GRIN2A: variants seen among roughly 807,000 people sequenced by gnomAD.
GRIN2A encodes the protein glutamate receptor ionotropic, NMDA 2A.
In GRIN2A, 22 loss-of-function variants were observed where a neutral mutation model predicts 113.4. The ratio of observed to expected loss-of-function variants is 0.19; its 90% CI spans 0.14 to 0.28. The LOEUF is 0.28. Ranked by LOEUF, GRIN2A falls within the 10% of genes least tolerant of loss-of-function variation. The pLI is 1.00. For missense variants in GRIN2A, 1,502 were observed against 1,887.0 expected (o/e 0.80, Z 3.78); for synonymous variants, 827 against 738.4 (o/e 1.12, Z -1.94).
intron 4 of GRIN2A, among the ~76,000 whole-genome samples, chr16:9,870,446 C>T (rs573187002): frequency 3.3e-5 from 5 of 152,150 alleles, no homozygotes; most frequent in East Asian, 1.9e-4. Flanking sequence ...CAGAAAGCTG[C>T]GTGTCATTAT....
chr16:9,885,033 G>A (rs944351004), intron 4 of GRIN2A, among the ~76,000 whole-genome samples: 12 of 151,942 alleles, frequency 7.9e-5, no homozygotes, highest in Admixed American at 3.9e-4. Context: ...CACCGTGCCC[G>A]GCTAGAGAAT....
At chr16:9,899,440 CAAAAAAAAA>C (rs71157791) in intron 3 of GRIN2A, among the ~76,000 whole-genome samples, 7 of 6,206 alleles carry the variant, frequency 1.1e-3, no homozygotes, top group African/African-American at 5.0e-3. Flanking sequence ...AACTCCGTCT[CAAAAAAAAA>C]AAAAAAAAAA....
intron 3 of GRIN2A, among the ~76,000 whole-genome samples, chr16:9,903,937 C>T (rs561636164): frequency 1.3e-5 from 2 of 152,354 alleles, no homozygotes; most frequent in East Asian, 3.9e-4. Context: ...TATCACCTCT[C>T]CCAGACTGTC....
intron 2 of GRIN2A, among the ~76,000 whole-genome samples, chr16:10,179,012 C>A (rs1163990911): frequency 6.6e-6 from 1 of 152,068 alleles, no homozygotes; most frequent in Admixed American, 6.5e-5. Context: ...TTTCTCATTC[C>A]TCACTTTACT....
intron 2 of GRIN2A, among the ~76,000 whole-genome samples, chr16:10,083,291 C>T (rs2048019140): frequency 6.6e-6 from 1 of 152,208 alleles, no homozygotes; most frequent in Non-Finnish European, 1.5e-5. Flanking sequence ...ACCGCAGACT[C>T]CACGAGTGCT....
rs888920557 is a variant in GRIN2A, at chr16:9,938,412, C to G, written c.554G>C (p.Ser185Thr). The change falls in exon 3 of 13, where the codon AGC becomes ACC. Residue 185 changes from serine (S) to threonine (T), a missense_variant. Physicochemically the swap from Ser to Thr is moderately conservative, Grantham distance 58 (BLOSUM62 1). Coordinates refer to ENST00000330684, the MANE Select transcript of GRIN2A (RefSeq NM_001134407.3). ...GTTGTCCACTGTGGTCTTGACGAAG[C>G]TGATGAATTCCCTGTAGCCAGGGAA... ...TIFPGYREFI[S>T]FVKTTVDNSF... 2 of 1,614,070 alleles carry G rather than the reference C, an allele frequency of 1.2e-6. No homozygotes were observed. The highest frequency in any genetic ancestry group is 1.7e-6 in the Non-Finnish European group (2 of 1,179,950).
intron 12 of GRIN2A, among the ~76,000 whole-genome samples, chr16:9,766,855 G>C (rs964676437): frequency 1.3e-5 from 2 of 152,122 alleles, no homozygotes; most frequent in Non-Finnish European, 2.9e-5. Flanking sequence ...ATGATCAAGG[G>C]ACTCCACCAA....
chr16:10,162,390 C>T lies in GRIN2A; in HGVS notation c.414+17608G>A, dbSNP rs548649823. Among the ~76,000 whole-genome samples, 60 of 152,284 alleles carry T rather than the reference C, an allele frequency of 3.9e-4. 1 individual carries two copies. The Middle Eastern group carries it at 0.017, about 43-fold the overall frequency. On this transcript the variant is annotated intron_variant, in intron 2 of 12. Transcript: ENST00000330684. ...CTCCCAACCTCTCTGTATTCATTTTCCCAGGCTGCTGTAACAAAGGATCAC... is the reference window on the plus strand; with the variant it reads ...CTCCCAACCTCTCTGTATTCATTTTTCCAGGCTGCTGTAACAAAGGATCAC...
intron 2 of GRIN2A, among the ~76,000 whole-genome samples, chr16:9,975,681 C>T (rs937894897): frequency 2.6e-5 from 4 of 152,172 alleles, no homozygotes; most frequent in South Asian, 2.1e-4. Flanking sequence ...CCAAACACAT[C>T]GATAACTGCA....
intron 7 of GRIN2A, 23 bp downstream of exon 7, chr16:9,840,624 T>G (rs1453090366): frequency 6.2e-7 from 1 of 1,606,400 alleles, no homozygotes; most frequent in African/African-American, 1.3e-5. Context: ...AGGAAAGCAA[T>G]AGTCACTATG....
intron 8 of GRIN2A, among the ~76,000 whole-genome samples, chr16:9,832,071 A>G (rs924019010): frequency 6.6e-6 from 1 of 151,364 alleles, no homozygotes; most frequent in East Asian, 1.9e-4. Context: ...GGCACGCATC[A>G]TCACGCCAGG....
At chr16:10,140,828 T>G (rs1366377107) in intron 2 of GRIN2A, among the ~76,000 whole-genome samples, 2 of 152,180 alleles carry the variant, frequency 1.3e-5, no homozygotes, top group African/African-American at 4.8e-5. Context: ...ACTGACAGAA[T>G]AAAGATGCAA....
intron 3 of GRIN2A, among the ~76,000 whole-genome samples, chr16:9,926,914 A>G (rs1231308674): frequency 9.4e-6 from 1 of 106,086 alleles, no homozygotes; most frequent in Non-Finnish European, 1.9e-5. Flanking sequence ...GAAACAGGAA[A>G]AACACTCTAA....
chr16:9,952,064 G>A (rs968378198), intron 2 of GRIN2A, among the ~76,000 whole-genome samples: 1 of 152,142 alleles, frequency 6.6e-6, no homozygotes, highest in African/African-American at 2.4e-5. Flanking sequence ...GAAATAAATA[G>A]AAGGCTCTCC....
chr16:9,972,236 G>C (rs2045686813), intron 2 of GRIN2A, among the ~76,000 whole-genome samples: 1 of 152,138 alleles, frequency 6.6e-6, no homozygotes, highest in African/African-American at 2.4e-5. Context: ...GGAAATGTAA[G>C]TATAACCAGG....
chr16:9,873,388 G>C (rs2043302703), intron 4 of GRIN2A, among the ~76,000 whole-genome samples: 1 of 152,120 alleles, frequency 6.6e-6, no homozygotes, highest in Admixed American at 6.5e-5. Flanking sequence ...ATTGATTCAA[G>C]TCACCAACCT....
At chr16:10,165,955 T>C (rs1198045898) in intron 2 of GRIN2A, among the ~76,000 whole-genome samples, 1 of 152,214 alleles carries the variant, frequency 6.6e-6, no homozygotes, top group Non-Finnish European at 1.5e-5. Context: ...ATCCCATTCA[T>C]GGAAGCCATG....
At position 9,811,598 on chromosome 16, in the gene GRIN2A, A is replaced by G. The variant is rs116123430; in HGVS notation, c.2168+10666T>C. ...AACGTGGCAAAACCCTGTCTCTACT[A>G]AAAGTGCAAAAATTAGCCAGACATG... is the stretch of plus-strand genomic sequence containing the variant. On this transcript the variant is annotated intron_variant, in intron 10 of 12. Coordinates refer to ENST00000330684, the MANE Select transcript of GRIN2A (RefSeq NM_001134407.3). Among the ~76,000 whole-genome samples the G allele has an allele frequency of 7.2e-3, 1,103 of 152,236 alleles. 17 individuals carry two copies. Among genetic ancestry groups the G allele is most frequent in the African/African-American group, 0.025 (1,037 of 41,546 alleles).
intron 11 of GRIN2A, among the ~76,000 whole-genome samples, chr16:9,774,893 C>T (rs775282245): frequency 6.6e-6 from 1 of 152,202 alleles, no homozygotes; most frequent in South Asian, 2.1e-4. Flanking sequence ...TTCTAACTCA[C>T]TCTATCTATG....
Sources: allele counts gnomAD v4.1 joint callset (sites outside exome capture counted in the v4.1 genomes callset), GRCh38; gene constraint gnomAD v4.1.1; transcripts MANE v1.5; gene names NCBI Gene and HGNC (gene_info 2026-07-23, HGNC 2026-07-21).